The following CSMD1 variants were observed in gnomAD, a reference collection of about 807,000 sequenced individuals.
The protein encoded by CSMD1 is CUB and sushi domain-containing protein 1.
Under a neutral mutation model 417.5 loss-of-function variants are expected in CSMD1, and 213 were observed. The ratio of observed to expected loss-of-function variants is 0.51; its 90% CI spans 0.46 to 0.57. CSMD1 has a LOEUF of 0.57. CSMD1 is among the 20% of genes least tolerant of loss of function. CSMD1 has a pLI of 0.00. For missense variants in CSMD1, 6,923 were observed against 4,529.7 expected, an observed-to-expected ratio of 1.53 and a Z score of -15.17; for synonymous variants, 2,862 against 1,736.8, an observed-to-expected ratio of 1.65 and a Z score of -16.11.
At chr8:3,833,063 G>C (rs1290681133) in intron 5 of CSMD1, among the ~76,000 whole-genome samples, 1 of 152,136 alleles carries the variant, frequency 6.6e-6, no homozygotes, top group Non-Finnish European at 1.5e-5. Context: ...CATGGCAGCT[G>C]TTTGAATGTT....
intron 8 of CSMD1, among the ~76,000 whole-genome samples, chr8:3,600,286 G>T (rs955492308): frequency 4.6e-5 from 7 of 152,164 alleles, no homozygotes; most frequent in African/African-American, 1.7e-4. Context: ...ATAAAATTTA[G>T]AATTTGGTGC....
At chr8:4,514,266 C>T (rs1474723224) in intron 2 of CSMD1, among the ~76,000 whole-genome samples, 1 of 151,994 alleles carries the variant, frequency 6.6e-6, no homozygotes, top group South Asian at 2.1e-4. Flanking sequence ...GGATATAAAT[C>T]CCCTTGGATC....
At chr8:4,838,908 G>C (rs925216664) in intron 1 of CSMD1, among the ~76,000 whole-genome samples, 1 of 152,128 alleles carries the variant, frequency 6.6e-6, no homozygotes, top group African/African-American at 2.4e-5. Context: ...AAGCTCTAAA[G>C]GTTACATAAA....
At chr8:4,940,833 G>C (rs1024095958) in intron 1 of CSMD1, among the ~76,000 whole-genome samples, 1 of 152,180 alleles carries the variant, frequency 6.6e-6, no homozygotes, top group African/African-American at 2.4e-5. Flanking sequence ...TGTACCATGT[G>C]TCAGGTAAGG....
At chr8:3,780,825 GA>G (rs1454991845) in intron 5 of CSMD1, among the ~76,000 whole-genome samples, 1 of 152,144 alleles carries the variant, frequency 6.6e-6, no homozygotes, top group African/African-American at 2.4e-5. Flanking sequence ...CTTTGCCATA[GA>G]ACAATTTCCT....
intron 1 of CSMD1, among the ~76,000 whole-genome samples, chr8:4,844,958 C>A (rs1217151885): frequency 6.6e-6 from 1 of 152,146 alleles, no homozygotes; most frequent in Non-Finnish European, 1.5e-5. Flanking sequence ...TTTGGCAGCT[C>A]ATGAAGCTTA....
intron 3 of CSMD1, among the ~76,000 whole-genome samples, chr8:4,122,586 C>G (rs540573473): frequency 6.6e-6 from 1 of 152,296 alleles, no homozygotes; most frequent in Admixed American, 6.5e-5. Context: ...ATCGCATGCC[C>G]TACAAAATTA....
At chr8:3,053,200 T>C (rs1811984569) in intron 49 of CSMD1, among the ~76,000 whole-genome samples, 1 of 152,178 alleles carries the variant, frequency 6.6e-6, no homozygotes, top group Admixed American at 6.5e-5. Flanking sequence ...ATAATTATTT[T>C]TCTGGAAGAT....
chr8:4,588,149 T>G (rs960704816), intron 2 of CSMD1, among the ~76,000 whole-genome samples: 1 of 152,120 alleles, frequency 6.6e-6, no homozygotes, highest in Non-Finnish European at 1.5e-5. Flanking sequence ...ACGGGCTTAT[T>G]TTAAATGGCT....
intron 5 of CSMD1, among the ~76,000 whole-genome samples, chr8:3,861,777 C>T (rs1357422275): frequency 1.3e-5 from 2 of 152,194 alleles, no homozygotes; most frequent in African/African-American, 4.8e-5. Flanking sequence ...TACTGGCCCA[C>T]TGAGTATCCT....
intron 1 of CSMD1, chr8:4,788,242 G>A (rs965985418): frequency 6.3e-7 from 1 of 1,587,902 alleles, no homozygotes; most frequent in Non-Finnish European, 8.6e-7. Flanking sequence ...GAAACTCTGA[G>A]GGTTAAAGCT....
intron 26 of CSMD1, among the ~76,000 whole-genome samples, chr8:3,248,357 C>G (rs929125687): frequency 6.6e-6 from 1 of 152,016 alleles, no homozygotes; most frequent in Admixed American, 6.6e-5. Context: ...CTTAAAATAT[C>G]CCAATTTGAA....
intron 7 of CSMD1, among the ~76,000 whole-genome samples, chr8:3,666,441 G>C (rs567231594): frequency 2.2e-4 from 34 of 152,258 alleles, no homozygotes; most frequent in South Asian, 6.2e-4. Context: ...AAATAATTAA[G>C]ACAGAAATAC....
Position 3,766,159 on chromosome 8 carries a change from A to T in CSMD1, c.819-12117T>A, listed in dbSNP as rs78151224. 4.3e-3 allele frequency among the ~76,000 whole-genome samples: 648 copies of T among 152,254 alleles called. 6 individuals are homozygous for T. Among genetic ancestry groups the T allele is most frequent in the African/African-American group, 0.015 (607 of 41,554 alleles). On this transcript the variant is annotated intron_variant, in intron 5 of 69. Coordinates refer to ENST00000635120, the MANE Select transcript of CSMD1 (RefSeq NM_033225.6). ...TGATGGCATTTCTCTGTGGGTGTGTACTTTGGGCCTCCTGTCCACGGAAGG... is the reference window on the plus strand; with the variant it reads ...TGATGGCATTTCTCTGTGGGTGTGTTCTTTGGGCCTCCTGTCCACGGAAGG...
chr8:4,129,365 T>C (rs1338614350), intron 3 of CSMD1, among the ~76,000 whole-genome samples: 1 of 152,140 alleles, frequency 6.6e-6, no homozygotes, highest in Admixed American at 6.5e-5. Context: ...GCATTCCCAG[T>C]TTCCTTGACC....
At position 3,097,261 on chromosome 8, in the gene CSMD1, C is replaced by G. The variant is rs557758660; in HGVS notation, c.6950-224G>C. 3.3e-5 allele frequency among the ~76,000 whole-genome samples: 5 copies of G among 152,278 alleles called. No individual in the cohort carries two copies. In the East Asian group the frequency reaches 9.7e-4, roughly 29 times the overall value. On this transcript the variant is annotated intron_variant, in intron 46 of 69. Transcript: ENST00000635120. ...CAGTTCTCTACACTCAGCCTGCACA[C>G]TCCTTTGGCCCCTGCATCTCCCACA...
chr8:3,347,534 A>T (rs1808095726), intron 22 of CSMD1, among the ~76,000 whole-genome samples: 1 of 152,234 alleles, frequency 6.6e-6, no homozygotes, highest in African/African-American at 2.4e-5. Context: ...TTTCCACAGT[A>T]TGACCACATT....
At chr8:4,438,403 G>C (rs372851226) in intron 2 of CSMD1, among the ~76,000 whole-genome samples, 16 of 152,260 alleles carry the variant, frequency 1.1e-4, no homozygotes, top group African/African-American at 3.4e-4. Flanking sequence ...TACAGTTGAA[G>C]TTGGTGGATA....
intron 12 of CSMD1, among the ~76,000 whole-genome samples, chr8:3,434,788 C>A (rs1814441139): frequency 6.6e-6 from 1 of 152,212 alleles, no homozygotes; most frequent in Non-Finnish European, 1.5e-5. Context: ...CTGGAACAGA[C>A]AGTTCCTTAC....
Sources: allele counts gnomAD v4.1 joint callset (sites outside exome capture counted in the v4.1 genomes callset), GRCh38; gene constraint gnomAD v4.1.1; transcripts MANE v1.5; gene names NCBI Gene and HGNC (gene_info 2026-07-23, HGNC 2026-07-21).